Variants in NUS1 observed in about 807,000 individuals in gnomAD.
NUS1 encodes the protein dehydrodolichyl diphosphate synthase complex subunit NUS1.
For synonymous variants in NUS1, 135 were observed against 155.2 expected (o/e 0.87, Z 0.97); for missense variants, 292 against 382.9 (o/e 0.76, Z 1.98).
At chr6:117,694,276 T>G in intron 3 of NUS1, 96 bp downstream of exon 3, 1 of 658,218 alleles carries the variant, frequency 1.5e-6, no homozygotes, top group Non-Finnish European at 2.2e-6. Flanking sequence ...AAAATATTTT[T>G]GTTTCTTTCA....
Position 117,709,020 on chromosome 6 carries a change from G to A in NUS1, c.*2005G>A, listed in dbSNP as rs554540355. On this transcript the variant is annotated 3_prime_UTR_variant, in exon 5 of 5. Transcript: ENST00000368494. ...GTATATACTTGAAAGTACATCTGTA[G>A]CCTATGATTTGAGTCTCTTGAAGTT... The A allele has an allele frequency of 6.6e-6, 1 of 152,138 alleles. No homozygotes were observed. Among genetic ancestry groups the A allele is most frequent in the African/African-American group, 2.4e-5 (1 of 41,526 alleles). The allele number at this position is 152,138 out of a possible 1,614,324, so 9.4% of individuals were successfully genotyped here.
intron 4 of NUS1, among the ~76,000 whole-genome samples, chr6:117,705,187 G>C (rs1773482204): frequency 6.6e-6 from 1 of 152,164 alleles, no homozygotes; most frequent in Non-Finnish European, 1.5e-5. Context: ...GTCACAAAGT[G>C]AATTAGAACC....
At chr6:117,702,723 T>C (rs1472002742) in intron 3 of NUS1, among the ~76,000 whole-genome samples, 2 of 152,192 alleles carry the variant, frequency 1.3e-5, no homozygotes, top group African/African-American at 4.8e-5. Flanking sequence ...AGAAGGACTT[T>C]GTTATGGAAA....
chr6:117,699,535 A>G (rs1773371935), intron 3 of NUS1, among the ~76,000 whole-genome samples: 1 of 152,198 alleles, frequency 6.6e-6, no homozygotes. Flanking sequence ...GGATTGGAAG[A>G]AGAATCAATA....
chr6:117,682,628 GCGT>G (rs1773077784), intron 1 of NUS1, among the ~76,000 whole-genome samples: 1 of 152,108 alleles, frequency 6.6e-6, no homozygotes, highest in Admixed American at 6.5e-5. Flanking sequence ...TGTATCTTAA[GCGT>G]AATAATTATC....
Position 117,708,156 on chromosome 6 carries a change from G to T in NUS1, c.*1141G>T, listed in dbSNP as rs1264622777. On this transcript the variant is annotated 3_prime_UTR_variant, in exon 5 of 5. Transcript: ENST00000368494. The stretch of plus-strand genomic sequence containing the variant: ...AAAATATCTTTAAGTAGGATTGAAG[G>T]CCTCTGTGGGGGAATAAAATATTAC... 6.6e-6 allele frequency: 1 copy of T among 152,660 alleles called. No homozygotes were observed. Among genetic ancestry groups the T allele is most frequent in the African/African-American group, 2.4e-5 (1 of 41,470 alleles). The allele number at this position is 152,660 out of a possible 1,614,324, so 9.5% of individuals were successfully genotyped here.
Position 117,703,687 on chromosome 6 carries a change from C to G in NUS1, c.774C>G (p.Ile258Met). 6.2e-7 allele frequency: 1 copy of G among 1,611,322 alleles called. No homozygotes were observed. The highest frequency in any genetic ancestry group is 8.5e-7 in the Non-Finnish European group (1 of 1,177,480). The change falls in exon 4 of 5, where the codon ATC becomes ATG. Residue 258 changes from isoleucine to methionine, a missense_variant. By Grantham distance (10) the Ile-to-Met change is conservative. Coordinates refer to ENST00000368494, the MANE Select transcript of NUS1 (RefSeq NM_138459.5). Reference protein sequence around the residue: ...DSTLGFLPWHIRLTEIVSLPS... With the variant: ...DSTLGFLPWHMRLTEIVSLPS... ...CATTAGGCTTTCTTCCCTGGCACATCAGATTGACTGAGATTGTGTAAGTAA... is the reference window on the plus strand; with the variant it reads ...CATTAGGCTTTCTTCCCTGGCACATGAGATTGACTGAGATTGTGTAAGTAA...
intron 2 of NUS1, 31 bp from the exon 3 acceptor site, chr6:117,694,000 T>C (rs554357750): frequency 6.3e-7 from 1 of 1,590,008 alleles, no homozygotes; most frequent in East Asian, 2.3e-5. Context: ...AGAGAGTGTT[T>C]TTAAAATACA....
chr6:117,706,573 A>C (rs1773503864), intron 4 of NUS1, among the ~76,000 whole-genome samples: 1 of 152,218 alleles, frequency 6.6e-6, no homozygotes, highest in Middle Eastern at 3.2e-3. Context: ...CTCATTGTCC[A>C]CAATGAGCTG....
chr6:117,703,749 G>T (rs757270746), intron 4 of NUS1, 45 bp downstream of exon 4: 14 of 1,315,776 alleles, frequency 1.1e-5, no homozygotes, highest in Non-Finnish European at 1.5e-5. Context: ...TTCAGCAAGT[G>T]TTTCTTGAGT....
At position 117,676,177 on chromosome 6, in the gene NUS1, G is replaced by C; in HGVS notation, c.415+92G>C. 3.3e-6 allele frequency: 5 copies of C among 1,532,586 alleles called. No homozygotes were observed. The South Asian group carries it at 6.1e-5, about 19-fold the overall frequency. The allele number at this position is 1,532,586 out of a possible 1,614,324, so 94.9% of individuals were successfully genotyped here. ...GGTGGTGCCCATGGCACGAGTTGCC[G>C]CGGCCTCTCTGCAAATCACAGCGCT... On this transcript the variant is annotated intron_variant, in intron 1 of 4. Transcript: ENST00000368494.
intron 1 of NUS1, among the ~76,000 whole-genome samples, chr6:117,677,946 A>G (rs1230265972): frequency 2.0e-5 from 3 of 152,228 alleles, no homozygotes; most frequent in East Asian, 3.8e-4. Context: ...TTTTAAAGCA[A>G]GTATCTTTAT....
At chr6:117,682,229 C>T (rs1773071399) in intron 1 of NUS1, among the ~76,000 whole-genome samples, 2 of 152,172 alleles carry the variant, frequency 1.3e-5, no homozygotes, top group South Asian at 4.1e-4. Flanking sequence ...AAATTCTATC[C>T]TGCTTTTGTT....
At chr6:117,695,308 G>A (rs994011042) in intron 3 of NUS1, among the ~76,000 whole-genome samples, 1 of 151,110 alleles carries the variant, frequency 6.6e-6, no homozygotes, top group African/African-American at 2.4e-5. Flanking sequence ...CCGTCACAGA[G>A]CAAAGTCCAT....
At chr6:117,695,191 C>A in intron 3 of NUS1, among the ~76,000 whole-genome samples, 3 of 48,064 alleles carry the variant, frequency 6.2e-5, no homozygotes, top group Non-Finnish European at 7.5e-5. Flanking sequence ...GAGACCCTGT[C>A]TCAAAAAAAA....
At chr6:117,683,017 T>A (rs550716687) in intron 1 of NUS1, among the ~76,000 whole-genome samples, 2 of 152,340 alleles carry the variant, frequency 1.3e-5, no homozygotes, top group African/African-American at 4.8e-5. Flanking sequence ...TAGGACACAT[T>A]TTTTAAAAAA....
intron 3 of NUS1, among the ~76,000 whole-genome samples, chr6:117,703,228 C>T (rs1773436557): frequency 6.6e-6 from 1 of 152,188 alleles, no homozygotes; most frequent in Non-Finnish European, 1.5e-5. Context: ...ATCAAGCAGT[C>T]ACACCTTTAG....
intron 3 of NUS1, among the ~76,000 whole-genome samples, chr6:117,697,137 C>T (rs970049195): frequency 1.3e-5 from 2 of 151,676 alleles, no homozygotes; most frequent in Non-Finnish European, 2.9e-5. Context: ...CTCATGGTAA[C>T]CTCCAATCAA....
chr6:117,683,136 T>C (rs1459999282), intron 1 of NUS1, among the ~76,000 whole-genome samples: 1 of 152,212 alleles, frequency 6.6e-6, no homozygotes, highest in Non-Finnish European at 1.5e-5. Context: ...TCCAACAAGA[T>C]GCCGAAAAAA....
Sources: allele counts gnomAD v4.1 joint callset (sites outside exome capture counted in the v4.1 genomes callset), GRCh38; gene constraint gnomAD v4.1.1; transcripts MANE v1.5; gene names NCBI Gene and HGNC (gene_info 2026-07-23, HGNC 2026-07-21).